The following C11orf65 variants were observed in gnomAD, a reference collection of about 807,000 sequenced individuals.
C11orf65 encodes the protein chromosome 11 open reading frame 65, also known as protein MFI.
In C11orf65, 38 loss-of-function variants were observed where a neutral mutation model predicts 35.3. That is an observed-to-expected ratio of 1.08 (90% CI 0.83 to 1.41). The LOEUF is 1.41. Ranked by LOEUF, C11orf65 falls within the 40% of genes most tolerant of loss-of-function variation. The pLI is 0.00. For missense variants in C11orf65, 370 were observed against 367.1 expected (o/e 1.01, Z -0.06); for synonymous variants, 105 against 114.4 (o/e 0.92, Z 0.53).
At chr11:108,368,916 T>C (rs995739893) in intron 2 of C11orf65, 6 of 194,416 alleles carry the variant, frequency 3.1e-5, no homozygotes, top group African/African-American at 1.2e-4. Flanking sequence ...AAGACTAGAA[T>C]AGTCTTTTAA....
intron 2 of C11orf65, among the ~76,000 whole-genome samples, chr11:108,375,812 CA>C (rs1455867538): frequency 1.3e-5 from 2 of 151,288 alleles, no homozygotes; most frequent in African/African-American, 4.9e-5. Flanking sequence ...AAATGGAAAA[CA>C]AAAAAAGGCA....
chr11:108,340,130 C>T (rs1048665332), intron 2 of C11orf65: 2 of 151,810 alleles, frequency 1.3e-5, no homozygotes, highest in African/African-American at 4.8e-5. Flanking sequence ...CACTTGGTTG[C>T]TCAGACTGAA....
At chr11:108,379,408 C>T (rs557078947), downstream of C11orf65, among the ~76,000 whole-genome samples, 11 of 143,922 alleles carry the variant, frequency 7.6e-5, no homozygotes, top group South Asian at 2.2e-4. Context: ...TTCTCACTCA[C>T]AGGTGGGAAT....
chr11:108,405,261 A>AGAAT (rs1207246963), intron 6 of C11orf65, among the ~76,000 whole-genome samples, 168 bp downstream of exon 6: 2 of 152,212 alleles, frequency 1.3e-5, no homozygotes, highest in African/African-American at 4.8e-5. Flanking sequence ...CTGGCAAAAC[A>AGAAT]GAATATCTGT....
chr11:108,326,786 C>T (rs979055946), downstream of C11orf65, among the ~76,000 whole-genome samples: 2 of 152,158 alleles, frequency 1.3e-5, no homozygotes, highest in South Asian at 4.1e-4. Flanking sequence ...CAGACATGTA[C>T]CTGCTTAGTG....
chr11:108,407,204 A>C, intron 3 of C11orf65, 55 bp from the exon 4 acceptor site: 1 of 1,229,584 alleles, frequency 8.1e-7, no homozygotes, highest in Non-Finnish European at 1.1e-6. Context: ...TGTATGTATC[A>C]ATTCACTATT....
At chr11:108,313,681 C>T (rs2084365252) in intron 6 of C11orf65, among the ~76,000 whole-genome samples, 1 of 152,122 alleles carries the variant, frequency 6.6e-6, no homozygotes, top group African/African-American at 2.4e-5. Context: ...AAGCACTGTG[C>T]TAAGCATGGG....
chr11:108,397,755 T>C (rs570120743), intron 6 of C11orf65, among the ~76,000 whole-genome samples: 1 of 152,160 alleles, frequency 6.6e-6, no homozygotes, highest in East Asian at 1.9e-4. Flanking sequence ...AAAGGAAATG[T>C]AACACCCAGT....
In C11orf65 at chr11:108,399,609, G is replaced by A. The variant is rs528498703; in HGVS notation, c.560+5820C>T. ...CTTCCTATGAAGCCAAAGGTATGGA[G>A]ATGATGTGGAGGCAATGCAGCGTAA... On this transcript the variant is annotated intron_variant, in intron 6 of 8. Coordinates refer to ENST00000393084, the MANE Select transcript of C11orf65 (RefSeq NM_152587.5). Among the ~76,000 whole-genome samples the A allele has an allele frequency of 3.3e-5, 5 of 152,290 alleles. No individual in the cohort carries two copies. In the South Asian group the frequency reaches 1.0e-3, roughly 32 times the overall value.
At position 108,383,076 on chromosome 11, in the gene C11orf65, AC is replaced by A; in HGVS notation, c.886del (p.Val296PhefsTer7). On this transcript the variant is annotated frameshift_variant, in exon 9 of 9. Coordinates refer to ENST00000393084, the MANE Select transcript of C11orf65 (RefSeq NM_152587.5). LOFTEE classifies it low-confidence loss of function (END_TRUNC). The part of the protein sequence containing the change: ...GIPDDTYYEN[V>X]YQEPNVTRLT... Reference sequence around the variant, plus strand: ...TCTAGTTACATTTGGTTCTTGATAAACATTTTCATAGTAAGTATCATCTGGT... The same window carrying A: ...TCTAGTTACATTTGGTTCTTGATAAAATTTTCATAGTAAGTATCATCTGGT... 1 of 1,611,840 alleles carries A rather than the reference AC, an allele frequency of 6.2e-7. No individual in the cohort carries two copies.
chr11:108,310,368 A>G, intron 6 of C11orf65: 1 of 1,513,928 alleles, frequency 6.6e-7, no homozygotes. Flanking sequence ...CATTGTCTCA[A>G]TAAGGGTATA....
At chr11:108,317,115 AAAATTG>A (rs2084735028) in intron 6 of C11orf65, among the ~76,000 whole-genome samples, 1 of 150,320 alleles carries the variant, frequency 6.7e-6, no homozygotes, top group African/African-American at 2.5e-5. Flanking sequence ...AAAAAAAAAA[AAAATTG>A]TAGAGACAGG....
intron 2 of C11orf65, among the ~76,000 whole-genome samples, chr11:108,451,574 C>T (rs4754323): frequency 0.99 from 151,094 of 151,866 alleles, 75,179 homozygotes; most frequent in Middle Eastern, 1. Context: ...AAAATGGCCA[C>T]ACTGCCCAAG....
rs778670498 is a variant in C11orf65 at position 108,365,330 on chromosome 11, T to C, written c.226+27878A>G. On this transcript the variant is annotated intron_variant, in intron 2 of 3. Coordinates refer to the C11orf65 transcript ENST00000524755. ...CTTTGTGTTTTTGTCCTTAGTGATATTGACCAGAGTTTCAACAAAGTAGCT... is the reference window on the plus strand; with the variant it reads ...CTTTGTGTTTTTGTCCTTAGTGATACTGACCAGAGTTTCAACAAAGTAGCT... 3.1e-6 allele frequency: 5 copies of C among 1,614,118 alleles called. No individual in the cohort carries two copies. The African/African-American group carries it at 4.0e-5, about 13-fold the overall frequency.
At chr11:108,462,625 T>C (rs1039309262) in intron 1 of C11orf65, 1 of 152,158 alleles carries the variant, frequency 6.6e-6, no homozygotes, top group Non-Finnish European at 1.5e-5. Context: ...CGCAGGTCCC[T>C]AACCTAAAAT....
intron 2 of C11orf65, among the ~76,000 whole-genome samples, chr11:108,443,023 C>A (rs2093184049): frequency 6.6e-6 from 1 of 152,136 alleles, no homozygotes; most frequent in South Asian, 2.1e-4. Context: ...CACAGACTGG[C>A]AAATTGGATA....
chr11:108,400,296 T>C (rs1006006220), intron 6 of C11orf65, among the ~76,000 whole-genome samples: 7 of 152,252 alleles, frequency 4.6e-5, no homozygotes, highest in Non-Finnish European at 1.5e-5. Context: ...GCTTCAATTA[T>C]ATGCCAGATC....
chr11:108,332,045 G>T lies in C11orf65; in HGVS notation c.300-478C>A, dbSNP rs112775908. 4,377 of 1,613,304 alleles carry T rather than the reference G, an allele frequency of 2.7e-3. 10 individuals are homozygous for T. Among genetic ancestry groups the T allele is most frequent in the Non-Finnish European group, 3.4e-3 (4,068 of 1,179,546 alleles). On this transcript the variant is annotated intron_variant, in intron 3 of 3. Transcript: ENST00000524755. Reference sequence around the variant, plus strand: ...AGCTCTCAGCTTGATGAGGTATTTGGATTAAACATACGTACCTTTTAGAAG... The same window carrying T: ...AGCTCTCAGCTTGATGAGGTATTTGTATTAAACATACGTACCTTTTAGAAG...
chr11:108,361,865 TA>T (rs2090806237), intron 2 of C11orf65, among the ~76,000 whole-genome samples: 1 of 151,406 alleles, frequency 6.6e-6, no homozygotes, highest in Non-Finnish European at 1.5e-5. Context: ...ACCTAGGCAT[TA>T]CCATTCAGGA....
Sources: allele counts gnomAD v4.1 joint callset (sites outside exome capture counted in the v4.1 genomes callset), GRCh38; gene constraint gnomAD v4.1.1; transcripts MANE v1.5; gene names NCBI Gene and HGNC (gene_info 2026-07-23, HGNC 2026-07-21).